SS18L1: variants seen among roughly 807,000 people sequenced by gnomAD.
The protein encoded by SS18L1 is SS18L1 subunit of BAF chromatin remodeling complex.
A neutral mutation model predicts 70.3 loss-of-function variants in SS18L1; 32 were observed. The ratio of observed to expected loss-of-function variants is 0.46; its 90% CI spans 0.34 to 0.61. The LOEUF is 0.61. SS18L1 is among the 20% of genes least tolerant of loss of function. The pLI is 0.01. For missense variants in SS18L1, 430 were observed against 542.1 expected, an observed-to-expected ratio of 0.79 and a Z score of 2.05; for synonymous variants, 237 against 229.7, an observed-to-expected ratio of 1.03 and a Z score of -0.29.
intron 1 of SS18L1, among the ~76,000 whole-genome samples, chr20:62,156,189 A>G (rs1297357003): frequency 6.6e-6 from 1 of 152,152 alleles, no homozygotes; most frequent in East Asian, 1.9e-4. Context: ...TGATGCTGAA[A>G]TGCCCGCCGT....
chr20:62,178,704 A>G (rs1432446800), intron 10 of SS18L1, among the ~76,000 whole-genome samples: 1 of 151,972 alleles, frequency 6.6e-6, no homozygotes, highest in Non-Finnish European at 1.5e-5. Context: ...ACGCCACCAC[A>G]CCCAGCTAAT....
chr20:62,158,814 A>T lies in SS18L1; in HGVS notation c.146+66A>T. Reference sequence around the variant, plus strand: ...TGCAGAGTCTAAGCACAGAGGCCAGATACGTCCCAAGAGTCCCCCAGCACA... The same window carrying T: ...TGCAGAGTCTAAGCACAGAGGCCAGTTACGTCCCAAGAGTCCCCCAGCACA... On this transcript the variant is annotated intron_variant, in intron 2 of 10. Coordinates refer to ENST00000331758, the MANE Select transcript of SS18L1 (RefSeq NM_198935.3). This position sits in a 1 kb window ranked among gnomAD's most constrained non-coding sequence, Gnocchi z 4.5. The T allele has an allele frequency of 6.2e-7, 1 of 1,612,310 alleles. No individual in the cohort carries two copies.
At chr20:62,172,015 A>T in intron 8 of SS18L1, among the ~76,000 whole-genome samples, 1 of 152,122 alleles carries the variant, frequency 6.6e-6, no homozygotes, top group East Asian at 1.9e-4. Context: ...ACAAAAAATT[A>T]GCCTGGCGTT....
chr20:62,161,394 T>C lies in SS18L1; in HGVS notation c.232-42T>C. ...CCTGGCTTGTGGAGGTCGCTCTCCGTAAATTAACCGTTTTTCCCTGAAAAC... is the reference window on the plus strand; with the variant it reads ...CCTGGCTTGTGGAGGTCGCTCTCCGCAAATTAACCGTTTTTCCCTGAAAAC... On this transcript the variant is annotated intron_variant, in intron 3 of 10. Coordinates refer to ENST00000331758, the MANE Select transcript of SS18L1 (RefSeq NM_198935.3). This position sits in a 1 kb window ranked among gnomAD's most constrained non-coding sequence, Gnocchi z 4.4. 6.2e-7 allele frequency: 1 copy of C among 1,612,228 alleles called. No individual in the cohort carries two copies.
chr20:62,151,488 G>GT (rs2057128591), intron 1 of SS18L1, among the ~76,000 whole-genome samples: 1 of 152,186 alleles, frequency 6.6e-6, no homozygotes, highest in African/African-American at 2.4e-5. Flanking sequence ...ACAGAGACAC[G>GT]TTGGGGCCAC....
intron 1 of SS18L1, among the ~76,000 whole-genome samples, chr20:62,151,921 C>T (rs1225221767): frequency 2.0e-5 from 3 of 146,886 alleles, no homozygotes; most frequent in Non-Finnish European, 4.5e-5. Flanking sequence ...TGGCCTCCCC[C>T]GTTCTCCTCT....
Position 62,158,668 on chromosome 20 carries a change from G to C in SS18L1, c.70-4G>C, listed in dbSNP as rs761632265. 2 of 1,612,238 alleles carry C rather than the reference G, an allele frequency of 1.2e-6. No homozygotes were observed. The highest frequency in any genetic ancestry group is 1.7e-6 in the Non-Finnish European group (2 of 1,179,974). ...GGCAGCGCCCGCTCACGCTCTCTCC[G>C]CAGATGCTGGACGAGAACCACCACC... On this transcript the variant is annotated splice_polypyrimidine_tract_variant and splice_region_variant and intron_variant, in intron 1 of 10. Transcript: ENST00000331758. This position sits in a 1 kb window ranked among gnomAD's most constrained non-coding sequence, Gnocchi z 4.5.
chr20:62,150,397 G>C (rs929620030), intron 1 of SS18L1, among the ~76,000 whole-genome samples: 4 of 152,184 alleles, frequency 2.6e-5, no homozygotes, highest in African/African-American at 9.7e-5. Context: ...CGCTGGCTTA[G>C]CCACCTGCTG....
At chr20:62,166,965 C>A (rs2057443530) in intron 8 of SS18L1, among the ~76,000 whole-genome samples, 1 of 148,744 alleles carries the variant, frequency 6.7e-6, no homozygotes, top group Non-Finnish European at 1.5e-5. Context: ...AATGGCCAGG[C>A]ATGGTGGCTT....
intron 1 of SS18L1, among the ~76,000 whole-genome samples, chr20:62,150,638 T>A (rs1474054200): frequency 1.7e-5 from 1 of 59,924 alleles, no homozygotes; most frequent in Non-Finnish European, 2.7e-5. Context: ...GGTGGATTTT[T>A]TTTTTTTTTT....
At chr20:62,147,458 G>A (rs1283568833) in intron 1 of SS18L1, among the ~76,000 whole-genome samples, 1 of 152,194 alleles carries the variant, frequency 6.6e-6, no homozygotes, top group Non-Finnish European at 1.5e-5. Flanking sequence ...GCCTGCAGTG[G>A]TCACCTCGGA....
rs965098504 is a variant in SS18L1 at position 62,174,015 on chromosome 20, C to G, written c.1037-502C>G. 1.2e-4 allele frequency among the ~76,000 whole-genome samples: 18 copies of G among 147,352 alleles called. No homozygotes were observed. The highest frequency in any genetic ancestry group is 4.3e-4 in the African/African-American group (17 of 39,848). Reference sequence around the variant, plus strand: ...GCTTGGGTGACAGAGTGACACCCTGCCTAAAAAAAAAAAAAAAAATTGGCC... The same window carrying G: ...GCTTGGGTGACAGAGTGACACCCTGGCTAAAAAAAAAAAAAAAAATTGGCC... On this transcript the variant is annotated intron_variant, in intron 9 of 10. Coordinates refer to ENST00000331758, the MANE Select transcript of SS18L1 (RefSeq NM_198935.3). This position sits in a 1 kb window ranked among gnomAD's most constrained non-coding sequence, Gnocchi z 4.1.
At chr20:62,149,037 C>G (rs1353646723) in intron 1 of SS18L1, among the ~76,000 whole-genome samples, 4 of 152,226 alleles carry the variant, frequency 2.6e-5, no homozygotes, top group Non-Finnish European at 4.4e-5. Context: ...AGGCTCCGGC[C>G]CTTTGCGCGG....
At chr20:62,146,150 G>T (rs536485790) in intron 1 of SS18L1, among the ~76,000 whole-genome samples, 55 of 152,368 alleles carry the variant, frequency 3.6e-4, no homozygotes, top group Middle Eastern at 3.4e-3. Flanking sequence ...CATTCTGTGT[G>T]GGTGGAGATC....
At chr20:62,147,491 G>C (rs1454765967) in intron 1 of SS18L1, among the ~76,000 whole-genome samples, 2 of 152,202 alleles carry the variant, frequency 1.3e-5, no homozygotes, top group Admixed American at 6.5e-5. Context: ...GCTTGAAGGG[G>C]ACCCCTGAGT....
Position 62,182,434 on chromosome 20 carries a change from AT to A in SS18L1, c.*3228del, listed in dbSNP as rs1218301614. On this transcript the variant is annotated 3_prime_UTR_variant, in exon 11 of 11. Coordinates refer to ENST00000331758, the MANE Select transcript of SS18L1 (RefSeq NM_198935.3). ...TTTTCAGTCGGAGTTTGACGTATAA[AT>A]TGTTTATGCTTTTGGTGTAATCTCT... 6 of 195,652 alleles carry A rather than the reference AT, an allele frequency of 3.1e-5. No individual in the cohort carries two copies. The highest frequency in any genetic ancestry group is 1.4e-4 in the African/African-American group (6 of 43,098). The allele number at this position is 195,652 out of a possible 1,614,324, so 12.1% of individuals were successfully genotyped here. A position where few individuals can be genotyped will look rare whatever the true frequency, so the allele number is the denominator to read the frequency against.
chr20:62,157,372 T>C (rs1211988483), intron 1 of SS18L1, among the ~76,000 whole-genome samples: 1 of 152,214 alleles, frequency 6.6e-6, no homozygotes, highest in Non-Finnish European at 1.5e-5. Context: ...GAAGGAAACC[T>C]GGGGAATCTG....
chr20:62,145,251 G>C (rs1386931270), intron 1 of SS18L1, among the ~76,000 whole-genome samples: 6 of 152,200 alleles, frequency 3.9e-5, no homozygotes, highest in Non-Finnish European at 8.8e-5. Context: ...CTGGCATCCC[G>C]TTTAATAGCT....
At position 62,158,556 on chromosome 20, in the gene SS18L1, G is replaced by T. The variant is rs553171999; in HGVS notation, c.70-116G>T. On this transcript the variant is annotated intron_variant, in intron 1 of 10. Transcript: ENST00000331758. This position sits in a 1 kb window ranked among gnomAD's most constrained non-coding sequence, Gnocchi z 4.5. ...TCTGGAAAAATCTGAAATCTGACAC[G>T]TTTCACGTAAGGGACGCTCAACCTA... 4 of 1,467,240 alleles carry T rather than the reference G, an allele frequency of 2.7e-6. No homozygotes were observed. The highest frequency in any genetic ancestry group is 4.1e-5 in the Admixed American group (2 of 48,634). The allele number at this position is 1,467,240 out of a possible 1,614,324, so 90.9% of individuals were successfully genotyped here.
Sources: gnomAD v4.1 joint callset for allele counts (sites outside exome capture counted in the v4.1 genomes callset) on GRCh38, gnomAD v4.1.1 for gene constraint, Gnocchi (gnomAD v3.1) non-coding constraint, MANE v1.5 for transcripts, NCBI Gene and HGNC (gene_info 2026-07-23, HGNC 2026-07-21) for gene names.